NPTX1: variants seen among roughly 807,000 people sequenced by gnomAD.
NPTX1 encodes neuronal pentraxin-1.
NPTX1 carries 12 observed loss-of-function variants against 38.7 expected under a neutral mutation model. The ratio of observed to expected loss-of-function variants is 0.31; its 90% CI spans 0.20 to 0.50. The LOEUF (loss-of-function observed/expected upper bound fraction) is 0.50. Among genes scored for constraint, NPTX1 ranks in the 20% least tolerant of loss-of-function variants. NPTX1 has a pLI of 0.98. For missense variants in NPTX1, 454 were observed against 592.2 expected (o/e 0.77, Z 2.42); for synonymous variants, 272 against 264.9 (o/e 1.03, Z -0.26).
rs1568274450 is a variant in NPTX1, at chr17:80,470,880, T to C, written c.1232A>G (p.Glu411Gly). The C allele has an allele frequency of 6.2e-7, 1 of 1,611,760 alleles. No homozygotes were observed. Among genetic ancestry groups the C allele is most frequent in the Non-Finnish European group, 8.5e-7 (1 of 1,178,114 alleles). ...ALSGNVIAWA[E>G]SHIEIYGGAT... is the part of the protein sequence containing the mutation. ...CCCTCCGTAGATCTCGATGTGGGAT[T>C]CAGCCCAGGCGATGACATTGCCGGA... The change falls in exon 5 of 5, where the codon GAA becomes GGA. Residue 411 changes from glutamate to glycine, a missense_variant. By Grantham distance (98) the Glu-to-Gly change is moderately conservative (BLOSUM62 -2). Coordinates refer to ENST00000306773, the MANE Select transcript of NPTX1 (RefSeq NM_002522.4).
rs1365689310 is a variant in NPTX1, at chr17:80,467,017, T to A, written c.*3796A>T. 6.6e-6 allele frequency: 1 copy of A among 152,026 alleles called. No homozygotes were observed. Among genetic ancestry groups the A allele is most frequent in the African/African-American group, 2.4e-5 (1 of 41,272 alleles). 9.4% of individuals were successfully genotyped at this position (152,026 alleles called of 1,614,324 possible). A position where few individuals can be genotyped will look rare whatever the true frequency, so the allele number is the denominator to read the frequency against. ...GATACCCAAAAGGCTGCAGATCATATGAAAAATGTACAGCTTTGGTTAGCA... is the reference window on the plus strand; with the variant it reads ...GATACCCAAAAGGCTGCAGATCATAAGAAAAATGTACAGCTTTGGTTAGCA... On this transcript the variant is annotated 3_prime_UTR_variant, in exon 5 of 5. Coordinates refer to ENST00000306773, the MANE Select transcript of NPTX1 (RefSeq NM_002522.4).
chr17:80,476,219 C>T lies in NPTX1; in HGVS notation c.228G>A (p.Lys76=). The T allele has an allele frequency of 1.3e-6, 2 of 1,574,704 alleles. No individual in the cohort carries two copies. The highest frequency in any genetic ancestry group is 2.3e-5 in the South Asian group (2 of 88,408). The change falls in exon 1 of 5, where the codon AAG becomes AAA. Residue 76 remains lysine (K), a synonymous_variant. Coordinates refer to ENST00000306773, the MANE Select transcript of NPTX1 (RefSeq NM_002522.4). This position sits in a 1 kb window ranked among gnomAD's most constrained non-coding sequence, Gnocchi z 6.3. The part of the protein sequence containing the change: ...LQQKETILSQ[K]ETIRELTAKL... ...TGGCGGTCAGCTCGCGGATGGTCTC[C>T]TTCTGGCTCAGGATGGTCTCCTTCT...
rs999148978 is a variant in NPTX1 at position 80,470,598 on chromosome 17, G to C, written c.*215C>G. 2.0e-6 allele frequency: 1 copy of C among 508,396 alleles called. No individual in the cohort carries two copies. The highest frequency in any genetic ancestry group is 3.5e-6 in the Non-Finnish European group (1 of 281,862). The allele number at this position is 508,396 out of a possible 1,614,324, so 31.5% of individuals were successfully genotyped here. On this transcript the variant is annotated 3_prime_UTR_variant, in exon 5 of 5. Coordinates refer to ENST00000306773, the MANE Select transcript of NPTX1 (RefSeq NM_002522.4). Reference sequence around the variant, plus strand: ...AATGGGGCATGCCTGAGAGAGTCCGGGCTCCTACAGAGAAGTGGGGCTTCC... The same window carrying C: ...AATGGGGCATGCCTGAGAGAGTCCGCGCTCCTACAGAGAAGTGGGGCTTCC...
rs141580622 is a variant in NPTX1 at position 80,473,431 on chromosome 17, G to A, written c.666C>T (p.Asn222=). 7.2e-4 allele frequency: 1,170 copies of A among 1,613,920 alleles called. 8 individuals carry two copies. The highest frequency in any genetic ancestry group is 1.3e-3 in the South Asian group (119 of 91,074). Residue 222 remains asparagine, a synonymous_variant, in exon 3 of 5, where the codon AAC becomes AAT. Coordinates refer to ENST00000306773, the MANE Select transcript of NPTX1 (RefSeq NM_002522.4). ...ISELEKGQKD[N]RPGDKFQLTF... ...TGAGCTGGAACTTGTCTCCAGGGCG[G>A]TTGTCTTTCTGACCTGCGGAAGACA...
rs367733654 is a variant in NPTX1, at chr17:80,470,361, G to C, written c.*452C>G. The C allele has an allele frequency of 6.5e-6, 1 of 154,212 alleles. No homozygotes were observed. Among genetic ancestry groups the C allele is most frequent in the Non-Finnish European group, 1.4e-5 (1 of 69,374 alleles). The allele number at this position is 154,212 out of a possible 1,614,324, so 9.6% of individuals were successfully genotyped here. ...TGAGGTTGCACCAACCCCAAAGCAC[G>C]CACGCAGCTAACAAAGTTGGCAAAT... is the stretch of plus-strand genomic sequence containing the variant. On this transcript the variant is annotated 3_prime_UTR_variant, in exon 5 of 5. Transcript: ENST00000306773.
Position 80,470,962 on chromosome 17 carries a change from G to C in NPTX1, c.1150C>G (p.Arg384Gly). 3 of 1,613,724 alleles carry C rather than the reference G, an allele frequency of 1.9e-6. No homozygotes were observed. Among genetic ancestry groups the C allele is most frequent in the Non-Finnish European group, 2.5e-6 (3 of 1,179,716 alleles). The stretch of plus-strand genomic sequence containing the variant: ...TACACCTCCCCGGGGGTCAGCTTGC[G>C]GTCCCAGATGTTGAAGTGGGCCAGC... ...GELAHFNIWD[R>G]KLTPGEVYNL... The change falls in exon 5 of 5, where the codon CGC becomes GGC. Residue 384 changes from arginine (R) to glycine (G), a missense_variant. This residue lies in a region of NPTX1 where 110 missense variants were observed against 197.5 expected (regional missense o/e 0.56). Coordinates refer to ENST00000306773, the MANE Select transcript of NPTX1 (RefSeq NM_002522.4).
Position 80,468,511 on chromosome 17 carries a change from G to A in NPTX1, c.*2302C>T, listed in dbSNP as rs2145185945. ...CCCCACACAGCCCGCACCGGGCGTTGCCTACACAAGGGCTCCGAGATGGCT... is the reference window on the plus strand; with the variant it reads ...CCCCACACAGCCCGCACCGGGCGTTACCTACACAAGGGCTCCGAGATGGCT... On this transcript the variant is annotated 3_prime_UTR_variant, in exon 5 of 5. Coordinates refer to ENST00000306773, the MANE Select transcript of NPTX1 (RefSeq NM_002522.4). 6.6e-6 allele frequency: 1 copy of A among 152,396 alleles called. No individual in the cohort carries two copies. Among genetic ancestry groups the A allele is most frequent in the Non-Finnish European group, 1.5e-5 (1 of 68,058 alleles). The allele number at this position is 152,396 out of a possible 1,614,324, so 9.4% of individuals were successfully genotyped here.
In NPTX1 at chr17:80,476,210, G is replaced by A. The variant is rs374235361; in HGVS notation, c.237C>T (p.Ile79=). The change falls in exon 1 of 5, where the codon ATC becomes ATT. Residue 79 remains isoleucine, a synonymous_variant. Transcript: ENST00000306773. This position sits in a 1 kb window ranked among gnomAD's most constrained non-coding sequence, Gnocchi z 6.3. ...KETILSQKET[I]RELTAKLGRC... The stretch of plus-strand genomic sequence containing the variant: ...GGCCCAGCTTGGCGGTCAGCTCGCG[G>A]ATGGTCTCCTTCTGGCTCAGGATGG... The A allele has an allele frequency of 1.3e-6, 2 of 1,575,648 alleles. No individual in the cohort carries two copies. Among genetic ancestry groups the A allele is most frequent in the South Asian group, 2.3e-5 (2 of 88,656 alleles).
intron 2 of NPTX1, chr17:80,474,299 C>A (rs1453381600): frequency 6.6e-6 from 1 of 152,194 alleles, no homozygotes; most frequent in African/African-American, 2.4e-5. Flanking sequence ...ACTGTGGCAC[C>A]CTGGGTATGG....
Position 80,470,785 on chromosome 17 carries a change from C to T in NPTX1, c.*28G>A, listed in dbSNP as rs373315478. On this transcript the variant is annotated 3_prime_UTR_variant, in exon 5 of 5. Coordinates refer to ENST00000306773, the MANE Select transcript of NPTX1 (RefSeq NM_002522.4). The stretch of plus-strand genomic sequence containing the variant: ...TCGCCGCACAAGCAGGGGGCGAGGG[C>T]GGGCGGGCTCAGCCTGGCCTGCCGT... 5.1e-5 allele frequency: 75 copies of T among 1,466,878 alleles called. No homozygotes were observed. In the African/African-American group the frequency reaches 7.5e-4, roughly 15 times the overall value. The allele number at this position is 1,466,878 out of a possible 1,614,324, so 90.9% of individuals were successfully genotyped here.
At position 80,475,609 on chromosome 17, in the gene NPTX1, T is replaced by C; in HGVS notation, c.554A>G (p.Glu185Gly). 1 of 1,612,782 alleles carries C rather than the reference T, an allele frequency of 6.2e-7. No individual in the cohort carries two copies. The change falls in exon 2 of 5, where the codon GAG becomes GGG. Residue 185 changes from glutamate (E) to glycine (G), a missense_variant. Coordinates refer to ENST00000306773, the MANE Select transcript of NPTX1 (RefSeq NM_002522.4). This position sits in a 1 kb window ranked among gnomAD's most constrained non-coding sequence, Gnocchi z 6.5. ...RQVLSRVNTL[E>G]EGKGGPRNDT... ...GTTCCTGGGGCCCCCCTTGCCCTCC[T>C]CCAGGGTGTTCACCCGGGACAGCAC...
rs1360425949 is a variant in NPTX1 at position 80,476,426 on chromosome 17, C to A, written c.21G>T (p.Ala7=). 1.5e-5 allele frequency: 21 copies of A among 1,359,272 alleles called. No individual in the cohort carries two copies. Among genetic ancestry groups the A allele is most frequent in the Non-Finnish European group, 1.9e-5 (20 of 1,063,416 alleles). The allele number at this position is 1,359,272 out of a possible 1,614,324, so 84.2% of individuals were successfully genotyped here. MPAGRA[A]RTCALLALCL... ...AGAGGGCGAGCAGCGCACAGGTGCG[C>A]GCGGCGCGGCCGGCCGGCATGGCTG... Residue 7 remains alanine (A), a synonymous_variant, in exon 1 of 5, where the codon GCG becomes GCT. Coordinates refer to ENST00000306773, the MANE Select transcript of NPTX1 (RefSeq NM_002522.4). This position sits in a 1 kb window ranked among gnomAD's most constrained non-coding sequence, Gnocchi z 6.3.
In NPTX1 at chr17:80,475,458, G is replaced by GGATC; in HGVS notation, c.652+52_652+53insGATC. ...GCTGTTAGGGATCGGGACCGAGGCAGGGTCGGGCAAGCAGGTGCAGGCAGG... is the reference window on the plus strand; with the variant it reads ...GCTGTTAGGGATCGGGACCGAGGCAGGATCGGTCGGGCAAGCAGGTGCAGGCAGG... On this transcript the variant is annotated intron_variant, in intron 2 of 4. Transcript: ENST00000306773. This position sits in a 1 kb window ranked among gnomAD's most constrained non-coding sequence, Gnocchi z 6.5. 1 of 1,465,418 alleles carries GGATC rather than the reference G, an allele frequency of 6.8e-7. No homozygotes were observed. Among genetic ancestry groups the GGATC allele is most frequent in the South Asian group, 1.2e-5 (1 of 81,600 alleles). 90.8% of individuals were successfully genotyped at this position (1,465,418 alleles called of 1,614,324 possible).
Position 80,475,539 on chromosome 17 carries a change from C to A in NPTX1, c.624G>T (p.Leu208=). The change falls in exon 2 of 5, where the codon CTG becomes CTT. Residue 208 remains leucine (L), a synonymous_variant. Transcript: ENST00000306773. This position sits in a 1 kb window ranked among gnomAD's most constrained non-coding sequence, Gnocchi z 6.5. The stretch of plus-strand genomic sequence containing the variant: ...TCTCGAGCTCGCTGATCCGCTGGTG[C>A]AGGGAGGTCAGGGCGGTCTCGATCT... ...RVKIETALTS[L]HQRISELEKG... 1 of 1,612,548 alleles carries A rather than the reference C, an allele frequency of 6.2e-7. No individual in the cohort carries two copies. Among genetic ancestry groups the A allele is most frequent in the Non-Finnish European group, 8.5e-7 (1 of 1,179,826 alleles).
chr17:80,475,603 C>T lies in NPTX1; in HGVS notation c.560G>A (p.Gly187Asp), dbSNP rs2083875868. 6.2e-7 allele frequency: 1 copy of T among 1,612,652 alleles called. No homozygotes were observed. Among genetic ancestry groups the T allele is most frequent in the African/African-American group, 1.3e-5 (1 of 74,922 alleles). Residue 187 changes from glycine to aspartate, a missense_variant, in exon 2 of 5, where the codon GGC (glycine) becomes GAC (aspartate). This residue lies in a region of NPTX1 where 288 missense variants were observed against 318.4 expected (regional missense o/e 0.90). Coordinates refer to ENST00000306773, the MANE Select transcript of NPTX1 (RefSeq NM_002522.4). The surrounding 1 kb of genome is among the most constrained non-coding windows in gnomAD (Gnocchi z 6.5). ...GGTGTCGTTCCTGGGGCCCCCCTTG[C>T]CCTCCTCCAGGGTGTTCACCCGGGA... ...VLSRVNTLEEGKGGPRNDTEE... is the reference protein window; with the variant it reads ...VLSRVNTLEEDKGGPRNDTEE...
chr17:80,476,015 C>T lies in NPTX1; in HGVS notation c.432G>A (p.Leu144=). 1 of 1,606,842 alleles carries T rather than the reference C, an allele frequency of 6.2e-7. No individual in the cohort carries two copies. The highest frequency in any genetic ancestry group is 1.1e-5 in the South Asian group (1 of 90,812). Residue 144 remains leucine, a synonymous_variant, in exon 1 of 5, where the codon CTG becomes CTA. Transcript: ENST00000306773. This position sits in a 1 kb window ranked among gnomAD's most constrained non-coding sequence, Gnocchi z 6.3. ...GGCGCGCGCGGACCTCGAGGTTCTCCAGGCGGGTTTTGAGCGATTGCAAAG... is the reference window on the plus strand; with the variant it reads ...GGCGCGCGCGGACCTCGAGGTTCTCTAGGCGGGTTTTGAGCGATTGCAAAG... ...GQTLQSLKTR[L]ENLEQYSRLN...
In NPTX1 at chr17:80,470,927, G is replaced by A; in HGVS notation, c.1185C>T (p.Ala395=). 1 of 1,613,748 alleles carries A rather than the reference G, an allele frequency of 6.2e-7. No homozygotes were observed. Among genetic ancestry groups the A allele is most frequent in the Non-Finnish European group, 8.5e-7 (1 of 1,179,748 alleles). ...KLTPGEVYNL[A]TCSTKALSGN... Reference sequence around the variant, plus strand: ...CGGACAGAGCCTTGGTGCTGCAGGTGGCCAGGTTGTACACCTCCCCGGGGG... The same window carrying A: ...CGGACAGAGCCTTGGTGCTGCAGGTAGCCAGGTTGTACACCTCCCCGGGGG... The change falls in exon 5 of 5, where the codon GCC becomes GCT. Residue 395 remains alanine, a synonymous_variant. Coordinates refer to ENST00000306773, the MANE Select transcript of NPTX1 (RefSeq NM_002522.4).
In NPTX1 at chr17:80,473,063, C is replaced by A. The variant is rs146249563; in HGVS notation, c.897+137G>T. On this transcript the variant is annotated intron_variant, in intron 3 of 4. Transcript: ENST00000306773. ...CTCCTGGTCTTCACCCTCCCCCTCC[C>A]TCAGTCCCACCTGGCAAACACTTTC... is the stretch of plus-strand genomic sequence containing the variant. The A allele has an allele frequency of 2.7e-4, 244 of 902,226 alleles. 3 individuals carry two copies. In the South Asian group the frequency reaches 3.4e-3, roughly 12 times the overall value. 55.9% of individuals were successfully genotyped at this position (902,226 alleles called of 1,614,324 possible).
rs73432807 is a variant in NPTX1, at chr17:80,470,950, G to A, written c.1162C>T (p.Pro388Ser). Reference protein sequence around the residue: ...HFNIWDRKLTPGEVYNLATCS... With the variant: ...HFNIWDRKLTSGEVYNLATCS... ...GTGGCCAGGTTGTACACCTCCCCGG[G>A]GGTCAGCTTGCGGTCCCAGATGTTG... Residue 388 changes from proline to serine, a missense_variant, in exon 5 of 5, where the codon CCC becomes TCC. Around this residue, in one of 4 missense-constraint regions of NPTX1, gnomAD observed 110 missense variants for 197.5 expected, o/e 0.56. Coordinates refer to ENST00000306773, the MANE Select transcript of NPTX1 (RefSeq NM_002522.4). 2,647 of 1,613,832 alleles carry A rather than the reference G, an allele frequency of 1.6e-3. 36 individuals are homozygous for A. In the African/African-American group the frequency reaches 0.03, roughly 18 times the overall value.
Sources: gnomAD v4.1 joint callset for allele counts on GRCh38, gnomAD v4.1.1 for gene constraint, gnomAD v4.1.1 regional missense constraint, Gnocchi (gnomAD v3.1) non-coding constraint, MANE v1.5 for transcripts, NCBI Gene and HGNC (gene_info 2026-07-23, HGNC 2026-07-21) for gene names.